HDAC9: variants seen among roughly 807,000 people sequenced by gnomAD.
HDAC9 encodes histone deacetylase 9, also known as MEF-2 interacting transcription repressor (MITR) protein.
In HDAC9, 41 loss-of-function variants were observed where a neutral mutation model predicts 139.4. That is an observed-to-expected ratio of 0.29 (90% CI 0.23 to 0.38). The LOEUF (loss-of-function observed/expected upper bound fraction) is 0.38. Among genes scored for constraint, HDAC9 ranks in the 10% least tolerant of loss-of-function variants. The pLI, the probability that HDAC9 is intolerant of heterozygous loss-of-function variation, is 1.00. For missense variants in HDAC9, 1,147 were observed against 1,297.0 expected, an observed-to-expected ratio of 0.88 and a Z score of 1.78; for synonymous variants, 517 against 476.2, an observed-to-expected ratio of 1.09 and a Z score of -1.12.
At chr7:18,374,066 G>A (rs1784793825) in intron 1 of HDAC9, among the ~76,000 whole-genome samples, 1 of 151,498 alleles carries the variant, frequency 6.6e-6, no homozygotes, top group African/African-American at 2.4e-5. Context: ...TCTCGGATGT[G>A]TTTCTTTTAC....
In HDAC9 at chr7:18,658,650, A is replaced by G. The variant is rs548345198; in HGVS notation, c.1468-7563A>G. On this transcript the variant is annotated intron_variant, in intron 11 of 25. Transcript: ENST00000686413. ...TCATCTGATTACTTCCCTAAAATAC[A>G]CAGAAGCAAAATGACATGGAGTATT... 3.3e-5 allele frequency among the ~76,000 whole-genome samples: 5 copies of G among 152,252 alleles called. No individual in the cohort carries two copies. In the South Asian group the frequency reaches 1.0e-3, roughly 32 times the overall value.
chr7:18,671,948 CTTAT>C (rs1795699929), intron 12 of HDAC9, among the ~76,000 whole-genome samples: 1 of 152,026 alleles, frequency 6.6e-6, no homozygotes. Context: ...CAACATTTTG[CTTAT>C]TCATTCATCA....
intron 2 of HDAC9, among the ~76,000 whole-genome samples, chr7:18,521,509 C>CA (rs956662706): frequency 1.3e-5 from 2 of 152,118 alleles, no homozygotes; most frequent in Non-Finnish European, 2.9e-5. Context: ...ATAAAATAAG[C>CA]AAAATGGATA....
chr7:18,501,442 C>A (rs940145929), intron 2 of HDAC9, among the ~76,000 whole-genome samples: 2 of 151,968 alleles, frequency 1.3e-5, no homozygotes, highest in African/African-American at 4.8e-5. Flanking sequence ...TTTATTTAAC[C>A]TTAAAGAGGT....
rs148633199 is a variant in HDAC9 at position 18,639,779 on chromosome 7, C to T, written c.913-4892C>T. On this transcript the variant is annotated intron_variant, in intron 8 of 25. Coordinates refer to ENST00000686413, the MANE Select transcript of HDAC9 (RefSeq NM_178425.4). ...TGTAAAGCCAAAGCTGATTGACACT[C>T]ATAAGGATGTCTTCCTGTATGCCAT... 7.1e-4 allele frequency among the ~76,000 whole-genome samples: 108 copies of T among 152,064 alleles called. 3 individuals are homozygous for T. The East Asian group carries it at 0.018, about 25-fold the overall frequency.
At chr7:18,412,193 G>A (rs1205374541) in intron 1 of HDAC9, among the ~76,000 whole-genome samples, 4 of 152,146 alleles carry the variant, frequency 2.6e-5, no homozygotes, top group Admixed American at 2.6e-4. Context: ...AAGTGGAGGA[G>A]CATCTGTGTA....
chr7:18,455,554 C>T (rs754456365), intron 1 of HDAC9, among the ~76,000 whole-genome samples: 1 of 152,080 alleles, frequency 6.6e-6, no homozygotes, highest in South Asian at 2.1e-4. Flanking sequence ...TGATTATAAT[C>T]GTATTTTAAA....
At chr7:18,568,457 G>GC (rs1050257999) in intron 2 of HDAC9, among the ~76,000 whole-genome samples, 3 of 152,166 alleles carry the variant, frequency 2.0e-5, no homozygotes, top group African/African-American at 7.2e-5. Context: ...AAAAGTCATA[G>GC]CTAGCGCTCA....
At chr7:18,103,212 A>G (rs1346296412) in intron 1 of HDAC9, among the ~76,000 whole-genome samples, 1 of 152,166 alleles carries the variant, frequency 6.6e-6, no homozygotes, top group Non-Finnish European at 1.5e-5. Context: ...AACCAACCAC[A>G]TGATTCAATT....
intron 2 of HDAC9, chr7:18,578,110 C>G (rs1219965964): frequency 3.9e-6 from 2 of 518,686 alleles, no homozygotes; most frequent in Non-Finnish European, 7.7e-6. Flanking sequence ...TGCTCCAGAC[C>G]TAGCAGCTGC....
At chr7:18,694,751 A>G (rs1237864859) in intron 12 of HDAC9, among the ~76,000 whole-genome samples, 2 of 152,142 alleles carry the variant, frequency 1.3e-5, no homozygotes, top group Non-Finnish European at 2.9e-5. Flanking sequence ...TGGTCTTGAC[A>G]TCAGTCACTT....
intron 12 of HDAC9, among the ~76,000 whole-genome samples, chr7:18,714,568 A>AC (rs1435915886): frequency 6.6e-6 from 1 of 152,226 alleles, no homozygotes; most frequent in Non-Finnish European, 1.5e-5. Context: ...TGTGGCATTT[A>AC]CCAGGTGCCC....
intron 2 of HDAC9, among the ~76,000 whole-genome samples, chr7:18,171,662 T>C (rs1788457526): frequency 6.6e-6 from 1 of 152,256 alleles, no homozygotes; most frequent in Non-Finnish European, 1.5e-5. Flanking sequence ...TGAAGGGCTG[T>C]TGAATTTTGT....
intron 2 of HDAC9, among the ~76,000 whole-genome samples, chr7:18,176,680 A>G (rs1385887986): frequency 2.0e-5 from 3 of 152,202 alleles, no homozygotes; most frequent in Admixed American, 2.0e-4. Context: ...TCAGAGGTAC[A>G]TGTGCAGATT....
At chr7:18,503,315 A>G (rs887465233) in intron 2 of HDAC9, among the ~76,000 whole-genome samples, 2 of 152,184 alleles carry the variant, frequency 1.3e-5, no homozygotes, top group East Asian at 1.9e-4. Context: ...GCAATAAGGA[A>G]GCAAAGAAAG....
chr7:18,223,385 C>A (rs890248854), intron 2 of HDAC9, among the ~76,000 whole-genome samples: 1 of 151,162 alleles, frequency 6.6e-6, no homozygotes, highest in Non-Finnish European at 1.5e-5. Context: ...GTAAAAACCC[C>A]GGTCAATTTT....
intron 22 of HDAC9, among the ~76,000 whole-genome samples, chr7:18,930,867 A>T (rs1396965850): frequency 1.3e-5 from 2 of 152,204 alleles, no homozygotes; most frequent in African/African-American, 2.4e-5. Flanking sequence ...TTACTATCCC[A>T]TCTAAATTTG....
chr7:18,281,749 G>A (rs1797121323), intron 2 of HDAC9, among the ~76,000 whole-genome samples: 1 of 152,194 alleles, frequency 6.6e-6, no homozygotes. Context: ...AATTTGCTCA[G>A]TGAGCAGAAC....
intron 2 of HDAC9, among the ~76,000 whole-genome samples, chr7:18,567,236 A>T (rs566087306): frequency 2.0e-5 from 3 of 152,146 alleles, no homozygotes; most frequent in East Asian, 1.9e-4. Context: ...TTGAATTTCT[A>T]TGTTGAACTA....
Sources: gnomAD v4.1 joint callset for allele counts (sites outside exome capture counted in the v4.1 genomes callset) on GRCh38, gnomAD v4.1.1 for gene constraint, MANE v1.5 for transcripts, NCBI Gene and HGNC (gene_info 2026-07-23, HGNC 2026-07-21) for gene names.